The following REV3L variants were observed in gnomAD, a reference collection of about 807,000 sequenced individuals.
REV3L encodes the protein DNA polymerase zeta catalytic subunit.
A neutral mutation model predicts 299.4 loss-of-function variants in REV3L; 69 were observed. The observed-to-expected ratio is 0.23, with a 90% CI of 0.19 to 0.28. REV3L has a LOEUF of 0.28. REV3L is among the 10% of genes least tolerant of loss of function. REV3L has a pLI of 1.00. For missense variants in REV3L, 3,128 were observed against 3,693.8 expected, an observed-to-expected ratio of 0.85 and a Z score of 3.97; for synonymous variants, 1,238 against 1,271.4, an observed-to-expected ratio of 0.97 and a Z score of 0.56.
chr6:111,357,205 CTACTTT>C, intron 17 of REV3L, 80 bp from the exon 18 acceptor site: 1 of 457,504 alleles, frequency 2.2e-6, no homozygotes, highest in African/African-American at 2.0e-5. Context: ...ATATTATCCT[CTACTTT>C]TAAGTAAAAT....
intron 1 of REV3L, among the ~76,000 whole-genome samples, chr6:111,464,117 TA>T (rs972299776): frequency 1.8e-4 from 26 of 145,932 alleles, no homozygotes; most frequent in Admixed American, 4.1e-4. Context: ...AACAAAAATT[TA>T]AAAAAAAAAA....
chr6:111,316,691 C>T (rs1341218588), intron 26 of REV3L, among the ~76,000 whole-genome samples: 1 of 149,924 alleles, frequency 6.7e-6, no homozygotes, highest in South Asian at 2.1e-4. Flanking sequence ...AAAAAAAAGA[C>T]AGACATATAT....
chr6:111,371,645 C>A (rs1779806746), intron 13 of REV3L, among the ~76,000 whole-genome samples: 1 of 151,832 alleles, frequency 6.6e-6, no homozygotes, highest in Non-Finnish European at 1.5e-5. Context: ...CTCACTACAA[C>A]CTCCACCTCC....
At chr6:111,394,317 G>A (rs1404638756) in intron 4 of REV3L, among the ~76,000 whole-genome samples, 3 of 151,964 alleles carry the variant, frequency 2.0e-5, no homozygotes, top group Non-Finnish European at 4.4e-5. Context: ...TGTCTTTTCC[G>A]TAACAGCCAT....
intron 4 of REV3L, among the ~76,000 whole-genome samples, chr6:111,402,884 C>G (rs1476006805): frequency 6.6e-6 from 1 of 152,114 alleles, no homozygotes; most frequent in African/African-American, 2.4e-5. Flanking sequence ...TGCTAAAACA[C>G]TTGACACAGA....
At chr6:111,439,072 T>C (rs1309928407) in intron 1 of REV3L, among the ~76,000 whole-genome samples, 1 of 152,222 alleles carries the variant, frequency 6.6e-6, no homozygotes. Context: ...GGTTTTTGCA[T>C]TGTTGGAATT....
chr6:111,442,247 G>A (rs1310054833), intron 1 of REV3L, among the ~76,000 whole-genome samples: 1 of 152,170 alleles, frequency 6.6e-6, no homozygotes. Flanking sequence ...GCTGAAAAGA[G>A]GAGTGTTGAA....
At position 111,373,713 on chromosome 6, in the gene REV3L, G is replaced by T; in HGVS notation, c.4642C>A (p.Gln1548Lys). ...QQKAQNANTTQDPLSNKHQPN... is the reference protein window; with the variant it reads ...QQKAQNANTTKDPLSNKHQPN... ...TGATGTTTATTGGATAATGGGTCTT[G>T]TGTAGTATTTGCATTTTGTGCTTTC... Residue 1548 changes from glutamine (Q) to lysine (K), a missense_variant, in exon 13 of 32, where the codon CAA becomes AAA. Around this residue, in one of 9 missense-constraint regions of REV3L, gnomAD observed 2,409 missense variants for 2,611.8 expected, o/e 0.92. Coordinates refer to ENST00000368802, the MANE Select transcript of REV3L (RefSeq NM_001372078.1). 1 of 1,613,908 alleles carries T rather than the reference G, an allele frequency of 6.2e-7. No homozygotes were observed. The highest frequency in any genetic ancestry group is 1.1e-5 in the South Asian group (1 of 91,030).
chr6:111,422,670 ATATATATACG>A (rs1338084603), intron 1 of REV3L, among the ~76,000 whole-genome samples: 1,976 of 53,780 alleles, frequency 0.037, 351 homozygotes, highest in Non-Finnish European at 0.072. Context: ...ATACATATAT[ATATATATACG>A]TATATATATA....
At chr6:111,397,634 A>C (rs1045062801) in intron 4 of REV3L, among the ~76,000 whole-genome samples, 5 of 152,028 alleles carry the variant, frequency 3.3e-5, no homozygotes, top group Admixed American at 1.3e-4. Flanking sequence ...ATTTGGTCTA[A>C]AGTGCAGTTT....
intron 3 of REV3L, among the ~76,000 whole-genome samples, chr6:111,410,655 T>A (rs1032375235): frequency 6.6e-6 from 1 of 152,184 alleles, no homozygotes; most frequent in Non-Finnish European, 1.5e-5. Context: ...GGAATAACCA[T>A]TGGGAATAGA....
rs776021801 is a variant in REV3L at position 111,379,994 on chromosome 6, C to T, written c.1442G>A (p.Cys481Tyr). 3.7e-6 allele frequency: 6 copies of T among 1,607,658 alleles called. No homozygotes were observed. The Admixed American group carries it at 1.0e-4, about 27-fold the overall frequency. ...QRWDSNIEEH[C>Y]AKKRSLCRNT... ...ACTAAAAAATTACCTCTTTTTGGCACAATGTTCTTCAATATTGCTGTCCCA... is the reference window on the plus strand; with the variant it reads ...ACTAAAAAATTACCTCTTTTTGGCATAATGTTCTTCAATATTGCTGTCCCA... The change falls in exon 11 of 32, where the codon TGT becomes TAT. Residue 481 changes from cysteine to tyrosine, a missense_variant. Physicochemically the swap from Cys to Tyr is radical, Grantham distance 194. Around this residue, in one of 9 missense-constraint regions of REV3L, gnomAD observed 2,409 missense variants for 2,611.8 expected, o/e 0.92. Coordinates refer to ENST00000368802, the MANE Select transcript of REV3L (RefSeq NM_001372078.1).
At chr6:111,449,472 T>C (rs1275740926) in intron 1 of REV3L, among the ~76,000 whole-genome samples, 1 of 152,156 alleles carries the variant, frequency 6.6e-6, no homozygotes, top group East Asian at 1.9e-4. Context: ...ACGTGCTTTG[T>C]GAGGAATGTA....
At chr6:111,331,642 T>C in intron 24 of REV3L, 34 bp downstream of exon 24, 6 of 1,452,150 alleles carry the variant, frequency 4.1e-6, no homozygotes, top group Middle Eastern at 1.8e-4. Flanking sequence ...AGTTAAGCCA[T>C]AGTTGTTATC....
chr6:111,472,126 G>T, intron 1 of REV3L: 1 of 1,275,078 alleles, frequency 7.8e-7, no homozygotes, highest in Non-Finnish European at 1.0e-6. Flanking sequence ...TATGTGGCTT[G>T]TCTTGGGTTT....
chr6:111,320,485 A>G (rs995363169), intron 26 of REV3L, among the ~76,000 whole-genome samples: 1 of 152,350 alleles, frequency 6.6e-6, no homozygotes, highest in South Asian at 2.1e-4. Context: ...ATATTTAACA[A>G]GGCAAAGTAA....
intron 20 of REV3L, 166 bp downstream of exon 20, chr6:111,349,052 T>C (rs987245178): frequency 4.1e-6 from 2 of 485,688 alleles, no homozygotes; most frequent in Non-Finnish European, 7.2e-6. Flanking sequence ...CTATTACCTC[T>C]GTAGTTTTGC....
At chr6:111,320,848 C>T (rs1774085805) in intron 26 of REV3L, among the ~76,000 whole-genome samples, 1 of 152,142 alleles carries the variant, frequency 6.6e-6, no homozygotes, top group Non-Finnish European at 1.5e-5. Flanking sequence ...CAGGGTTGCA[C>T]TTTGTTGCCC....
chr6:111,377,714 T>A lies in REV3L; in HGVS notation c.1584A>T (p.Ala528=). The A allele has an allele frequency of 6.2e-7, 1 of 1,612,730 alleles. No individual in the cohort carries two copies. The highest frequency in any genetic ancestry group is 1.1e-5 in the South Asian group (1 of 90,812). The change falls in exon 12 of 32, where the codon GCA becomes GCT. Residue 528 remains alanine (A), a synonymous_variant. Coordinates refer to ENST00000368802, the MANE Select transcript of REV3L (RefSeq NM_001372078.1). ...SLSIPQLDGT[A]DENSDNPLNN... ...TTGTTTACTTACCACTATTTTCATC[T>A]GCAGTTCCATCTAACTGAGGTATAG...
Sources: gnomAD v4.1 joint callset for allele counts (sites outside exome capture counted in the v4.1 genomes callset) on GRCh38, gnomAD v4.1.1 for gene constraint, gnomAD v4.1.1 regional missense constraint, MANE v1.5 for transcripts, NCBI Gene and HGNC (gene_info 2026-07-23, HGNC 2026-07-21) for gene names.